TAFA1: variants seen among roughly 807,000 people sequenced by gnomAD.
TAFA1 encodes TAFA chemokine like family member 1.
TAFA1 carries 4 observed loss-of-function variants against 18.5 expected under a neutral mutation model. The observed-to-expected ratio is 0.22, with a 90% confidence interval of 0.11 to 0.49. TAFA1 has a LOEUF of 0.49. Ranked by LOEUF, TAFA1 falls within the 20% of genes least tolerant of loss-of-function variation. The pLI, the probability that TAFA1 is intolerant of heterozygous loss-of-function variation, is 0.98. For missense variants in TAFA1, 147 were observed against 169.0 expected (o/e 0.87, Z 0.72); for synonymous variants, 56 against 55.2 (o/e 1.01, Z -0.06).
intron 2 of TAFA1, among the ~76,000 whole-genome samples, chr3:68,111,253 G>A (rs1408912784): frequency 3.9e-5 from 6 of 152,028 alleles, no homozygotes; most frequent in Admixed American, 2.0e-4. Flanking sequence ...CTTTTCAACC[G>A]AAATAATGGA....
rs35861602 is a variant in TAFA1, at chr3:68,366,085, C to CAAA, written c.119-51178_119-51176dup. Among the ~76,000 whole-genome samples, 285 of 93,420 alleles carry CAAA rather than the reference C, an allele frequency of 3.1e-3. 1 individual carries two copies. Among genetic ancestry groups the CAAA allele is most frequent in the Middle Eastern group, 6.5e-3 (1 of 154 alleles). The allele number at this position is 93,420 out of a possible 152,430, so 61.3% of individuals were successfully genotyped here. ...TGGGCAACAGAGCGAGACTCCATCT[C>CAAA]AAAAAAAAAAAAAAAAAAAGAAACC... On this transcript the variant is annotated intron_variant, in intron 2 of 4. Transcript: ENST00000478136.
At chr3:68,298,768 G>A (rs1485451916) in intron 2 of TAFA1, among the ~76,000 whole-genome samples, 2 of 152,154 alleles carry the variant, frequency 1.3e-5, no homozygotes, top group African/African-American at 4.8e-5. Context: ...CACCATGATT[G>A]TAAGTTTCCT....
intron 2 of TAFA1, among the ~76,000 whole-genome samples, chr3:68,378,771 A>T (rs1268495347): frequency 6.6e-6 from 1 of 152,134 alleles, no homozygotes; most frequent in Non-Finnish European, 1.5e-5. Context: ...TGTTCTCATG[A>T]TAGTGAGTTC....
At chr3:68,021,675 A>G (rs915094575) in intron 2 of TAFA1, among the ~76,000 whole-genome samples, 1 of 152,204 alleles carries the variant, frequency 6.6e-6, no homozygotes, top group Non-Finnish European at 1.5e-5. Context: ...GGTGTGTACT[A>G]TTTTGAGCTC....
At chr3:68,007,957 C>G (rs758849803) in intron 2 of TAFA1, among the ~76,000 whole-genome samples, 13 of 152,246 alleles carry the variant, frequency 8.5e-5, no homozygotes, top group Non-Finnish European at 1.3e-4. Flanking sequence ...CCAGGGTCCT[C>G]CCGCGCGCCT....
chr3:68,264,072 A>G (rs1202882086), intron 2 of TAFA1, among the ~76,000 whole-genome samples: 1 of 152,008 alleles, frequency 6.6e-6, no homozygotes, highest in Admixed American at 6.6e-5. Flanking sequence ...TGGGCGGATC[A>G]CTTGAGGCCA....
intron 3 of TAFA1, among the ~76,000 whole-genome samples, chr3:68,480,965 GTT>G (rs2072226540): frequency 6.6e-6 from 1 of 152,070 alleles, no homozygotes; most frequent in Non-Finnish European, 1.5e-5. Flanking sequence ...TGGTTCTCTC[GTT>G]CTCTCTTCCC....
intron 2 of TAFA1, among the ~76,000 whole-genome samples, chr3:68,163,154 C>A (rs1441661371): frequency 1.3e-5 from 2 of 152,112 alleles, no homozygotes; most frequent in South Asian, 2.1e-4. Context: ...TCTACGTAAT[C>A]TTCTGAAGGA....
intron 2 of TAFA1, among the ~76,000 whole-genome samples, chr3:68,019,552 G>T (rs970091383): frequency 6.6e-6 from 1 of 152,114 alleles, no homozygotes; most frequent in Non-Finnish European, 1.5e-5. Context: ...ATCATGTTGA[G>T]ACTTTATAAA....
intron 3 of TAFA1, among the ~76,000 whole-genome samples, chr3:68,470,936 A>C (rs2071984929): frequency 6.6e-6 from 1 of 152,196 alleles, no homozygotes; most frequent in African/African-American, 2.4e-5. Flanking sequence ...CTACCACCAC[A>C]GACCTGGAAG....
intron 2 of TAFA1, among the ~76,000 whole-genome samples, chr3:68,187,971 T>G (rs1438289237): frequency 1.3e-5 from 2 of 151,992 alleles, no homozygotes; most frequent in African/African-American, 2.4e-5. Context: ...TTAATAAAGT[T>G]TCTGTTTACA....
At chr3:68,081,585 A>G (rs968112887) in intron 2 of TAFA1, among the ~76,000 whole-genome samples, 6 of 152,150 alleles carry the variant, frequency 3.9e-5, no homozygotes, top group South Asian at 2.1e-4. Context: ...TAAGGTGTCA[A>G]TGTGCCCCTG....
chr3:68,409,740 C>A (rs1004909139), intron 2 of TAFA1, among the ~76,000 whole-genome samples: 2 of 152,124 alleles, frequency 1.3e-5, no homozygotes, highest in Non-Finnish European at 2.9e-5. Context: ...TAGCAAGTTC[C>A]CATAGGTGTC....
At chr3:68,288,459 T>C (rs1239015121) in intron 2 of TAFA1, among the ~76,000 whole-genome samples, 2 of 152,176 alleles carry the variant, frequency 1.3e-5, no homozygotes, top group African/African-American at 2.4e-5. Flanking sequence ...AATTTGCCCA[T>C]GGAAGATTAT....
chr3:68,342,764 G>C (rs557434592), intron 2 of TAFA1, among the ~76,000 whole-genome samples: 2 of 152,164 alleles, frequency 1.3e-5, no homozygotes, highest in Admixed American at 6.5e-5. Context: ...TATCCTTCAA[G>C]AGGCAAAGTC....
chr3:68,302,183 T>G (rs1411087218), intron 2 of TAFA1, among the ~76,000 whole-genome samples: 2 of 152,220 alleles, frequency 1.3e-5, no homozygotes, highest in South Asian at 2.1e-4. Flanking sequence ...ATAATTACAT[T>G]AAATCTTAAT....
intron 4 of TAFA1, 97 bp downstream of exon 4, chr3:68,538,977 G>T (rs1176986362): frequency 4.7e-6 from 6 of 1,285,868 alleles, no homozygotes; most frequent in Non-Finnish European, 6.5e-6. Context: ...TTGCACAGGA[G>T]AGAAGATTCT....
At chr3:68,388,606 A>G (rs2070157900) in intron 2 of TAFA1, among the ~76,000 whole-genome samples, 1 of 152,052 alleles carries the variant, frequency 6.6e-6, no homozygotes, top group Admixed American at 6.6e-5. Context: ...GCTTTTCCCA[A>G]CCAATTCCCA....
chr3:68,073,905 G>T (rs1044672153), intron 2 of TAFA1, among the ~76,000 whole-genome samples: 4 of 152,080 alleles, frequency 2.6e-5, no homozygotes, highest in African/African-American at 4.8e-5. Context: ...CAAGACCTGG[G>T]GTAGGTGGGG....
Sources: allele counts gnomAD v4.1 joint callset (sites outside exome capture counted in the v4.1 genomes callset), GRCh38; gene constraint gnomAD v4.1.1; transcripts MANE v1.5; gene names NCBI Gene and HGNC (gene_info 2026-07-23, HGNC 2026-07-21).